Variants in CENPU observed in about 807,000 individuals in gnomAD.
The protein encoded by CENPU is KSHV latent nuclear antigen interacting protein 1.
CENPU carries 46 observed loss-of-function variants against 56.7 expected under a neutral mutation model. The ratio of observed to expected loss-of-function variants is 0.81; its 90% CI spans 0.64 to 1.04. CENPU has a LOEUF of 1.04. CENPU is among the 50% of genes least tolerant of loss of function. CENPU has a pLI of 0.00. For synonymous variants in CENPU, 166 were observed against 163.0 expected (o/e 1.02, Z -0.14); for missense variants, 510 against 490.1 (o/e 1.04, Z -0.38).
chr4:184,695,303 G>C lies in CENPU; in HGVS notation c.1242C>G (p.Leu414=). The C allele has an allele frequency of 1.2e-6, 2 of 1,612,590 alleles. No homozygotes were observed. The highest frequency in any genetic ancestry group is 1.7e-6 in the Non-Finnish European group (2 of 1,178,778). The change falls in exon 13 of 13, where the codon CTC becomes CTG. Residue 414 remains leucine (L), a synonymous_variant. Coordinates refer to ENST00000281453, the MANE Select transcript of CENPU (RefSeq NM_024629.4). ...ACTGCTCTTCTCATCCCTGGTCAAG[G>C]AGCTTCTCTAACTGATGGTTGATAT... ...LRNINHQLEK[L]LDQG
At chr4:184,710,022 C>T (rs762835238) in intron 8 of CENPU, 50 bp downstream of exon 8, 3 of 1,015,310 alleles carry the variant, frequency 3.0e-6, no homozygotes, top group Non-Finnish European at 4.4e-6. Context: ...AAAAATGGTG[C>T]TTCAGGGGAA....
At chr4:184,723,396 G>A (rs1485902969) in intron 4 of CENPU, among the ~76,000 whole-genome samples, 1 of 152,212 alleles carries the variant, frequency 6.6e-6, no homozygotes. Flanking sequence ...TAGTAGACAT[G>A]ATATGAAGAC....
chr4:184,721,848 A>C (rs4594761), intron 4 of CENPU, among the ~76,000 whole-genome samples: 27,119 of 152,154 alleles, frequency 0.18, 2,718 homozygotes, highest in African/African-American at 0.26. Context: ...TTCCAGACAG[A>C]CAATCAATAA....
chr4:184,715,440 G>C (rs1356199438), intron 6 of CENPU, among the ~76,000 whole-genome samples: 2 of 152,146 alleles, frequency 1.3e-5, no homozygotes, highest in African/African-American at 4.8e-5. Context: ...AACCTTCTGA[G>C]TAGCTGCGAT....
chr4:184,710,305 G>C (rs1760878247), intron 7 of CENPU, 125 bp from the exon 8 acceptor site: 1 of 578,428 alleles, frequency 1.7e-6, no homozygotes, highest in Non-Finnish European at 3.0e-6. Flanking sequence ...TGAACAATCA[G>C]AGAGGAGGTG....
Position 184,734,037 on chromosome 4 carries a change from G to GGCCGCC in CENPU, c.20_25dup (p.Arg7_Arg8dup), listed in dbSNP as rs757193964. ...TTACCCCTCAGACCTGTGAGGCCGC[G>GGCCGCC]GCCGCCGCCGCCCCCGCGGGGCCAT... is the stretch of plus-strand genomic sequence containing the variant. On this transcript the variant is annotated inframe_insertion, in exon 1 of 13. Transcript: ENST00000281453. The GGCCGCC allele has an allele frequency of 2.1e-5, 33 of 1,580,046 alleles. No individual in the cohort carries two copies. Among genetic ancestry groups the GGCCGCC allele is most frequent in the African/African-American group, 1.7e-4 (13 of 74,290 alleles).
Position 184,710,155 on chromosome 4 carries a change from C to T in CENPU, c.714G>A (p.Trp238Ter). 6.2e-7 allele frequency: 1 copy of T among 1,606,720 alleles called. No individual in the cohort carries two copies. The highest frequency in any genetic ancestry group is 8.5e-7 in the Non-Finnish European group (1 of 1,175,488). ...GSDTSDIVHI[W>*]CPEGMKTSDI... ...CACTGGTTTTCATTCCTTCTGGACA[C>T]CAAATGTGCACAATGTCAGAAGTAT... Residue 238 changes from tryptophan to a stop codon, truncating the protein, a stop_gained, in exon 8 of 13, where the codon TGG (tryptophan) becomes TGA (stop). Transcript: ENST00000281453. LOFTEE classifies it high-confidence loss of function.
Position 184,700,867 on chromosome 4 carries a change from G to A in CENPU, c.939C>T (p.Ile313=), listed in dbSNP as rs777751284. ...KRKNAKMISD[I]EKKRQRMIEV... is the part of the protein sequence containing the mutation. ...CAATCATACGCTGCCTTTTCTTTTC[G>A]ATATCTGAAATCATCTAAGTAACAC... Residue 313 remains isoleucine, a synonymous_variant, in exon 11 of 13, where the codon ATC becomes ATT. Transcript: ENST00000281453. The A allele has an allele frequency of 4.3e-6, 7 of 1,612,728 alleles. No homozygotes were observed. The highest frequency in any genetic ancestry group is 3.3e-5 in the South Asian group (3 of 91,046).
At chr4:184,732,086 T>A (rs2150234456) in intron 1 of CENPU, among the ~76,000 whole-genome samples, 1 of 152,252 alleles carries the variant, frequency 6.6e-6, no homozygotes, top group South Asian at 2.1e-4. Context: ...TCTTTTAAGA[T>A]TGCCAGGCCA....
In CENPU at chr4:184,695,340, C is replaced by T. The variant is rs758581010; in HGVS notation, c.1205G>A (p.Ser402Asn). 35 of 1,613,526 alleles carry T rather than the reference C, an allele frequency of 2.2e-5. No individual in the cohort carries two copies. In the Middle Eastern group the frequency reaches 4.9e-4, roughly 23 times the overall value. Residue 402 changes from serine (S) to asparagine (N), a missense_variant, in exon 13 of 13, where the codon AGC (serine) becomes AAC (asparagine). Coordinates refer to ENST00000281453, the MANE Select transcript of CENPU (RefSeq NM_024629.4). ...FKARTLLGAE[S>N]HLRNINHQLE... The stretch of plus-strand genomic sequence containing the variant: ...CTGATGGTTGATATTTCGCAGATGG[C>T]TTTCGGCTCCCAGAAGTGTTCTTGC...
At chr4:184,727,382 G>A (rs1322883986) in intron 3 of CENPU, among the ~76,000 whole-genome samples, 2 of 152,140 alleles carry the variant, frequency 1.3e-5, no homozygotes, top group African/African-American at 4.8e-5. Context: ...CAACGTGAAT[G>A]TATTTATCTG....
rs756136532 is a variant in CENPU at position 184,717,209 on chromosome 4, C to T, written c.321-13G>A. Reference sequence around the variant, plus strand: ...AGAAGTGTCTGAACTGTAAAAAGTACAAGCCATCAATATCTTGTACACATT... The same window carrying T: ...AGAAGTGTCTGAACTGTAAAAAGTATAAGCCATCAATATCTTGTACACATT... On this transcript the variant is annotated splice_polypyrimidine_tract_variant and intron_variant, in intron 4 of 12. Transcript: ENST00000281453. 2.6e-5 allele frequency: 42 copies of T among 1,604,878 alleles called. 1 individual carries two copies. In the South Asian group the frequency reaches 4.6e-4, roughly 18 times the overall value.
intron 8 of CENPU, among the ~76,000 whole-genome samples, chr4:184,705,013 C>T (rs1760676310): frequency 6.6e-6 from 1 of 152,196 alleles, no homozygotes; most frequent in Non-Finnish European, 1.5e-5. Flanking sequence ...AAAACAGTCT[C>T]AGTCCCTTAC....
At chr4:184,704,378 C>T (rs766835619) in intron 8 of CENPU, among the ~76,000 whole-genome samples, 2 of 152,060 alleles carry the variant, frequency 1.3e-5, no homozygotes, top group African/African-American at 2.4e-5. Context: ...ATCTACAGTA[C>T]TCAATACAGT....
At chr4:184,733,388 A>T (rs1451466679) in intron 1 of CENPU, 1 of 991,312 alleles carries the variant, frequency 1.0e-6, no homozygotes, top group Non-Finnish European at 1.2e-6. Flanking sequence ...GTCTGCAGCA[A>T]GCCGAGACCC....
rs372044004 is a variant in CENPU, at chr4:184,717,128, C to T, written c.381+8G>A. The T allele has an allele frequency of 9.2e-5, 146 of 1,594,850 alleles. 1 individual carries two copies. In the Middle Eastern group the frequency reaches 1.9e-3, roughly 21 times the overall value. On this transcript the variant is annotated splice_region_variant and intron_variant, in intron 5 of 12. Coordinates refer to ENST00000281453, the MANE Select transcript of CENPU (RefSeq NM_024629.4). Reference sequence around the variant, plus strand: ...AATTAAAGTAGAAGAGTGAATACTCCTACATACCTTTTTTGCACTAATTTT... The same window carrying T: ...AATTAAAGTAGAAGAGTGAATACTCTTACATACCTTTTTTGCACTAATTTT...
At chr4:184,727,948 CAGGA>C (rs1260426982) in intron 3 of CENPU, among the ~76,000 whole-genome samples, 1 of 152,064 alleles carries the variant, frequency 6.6e-6, no homozygotes, top group Non-Finnish European at 1.5e-5. Flanking sequence ...TCTGTAGAGA[CAGGA>C]AGGAGATTCA....
At chr4:184,708,085 G>A (rs1423805504) in intron 8 of CENPU, among the ~76,000 whole-genome samples, 1 of 151,880 alleles carries the variant, frequency 6.6e-6, no homozygotes, top group Non-Finnish European at 1.5e-5. Flanking sequence ...TTAGCTGGGC[G>A]TGGTGGCGCA....
chr4:184,713,452 T>C (rs775585284), intron 6 of CENPU, among the ~76,000 whole-genome samples: 1 of 152,160 alleles, frequency 6.6e-6, no homozygotes, highest in Non-Finnish European at 1.5e-5. Flanking sequence ...ATTAGTTACA[T>C]AAATTATCTA....
Sources: allele counts gnomAD v4.1 joint callset (sites outside exome capture counted in the v4.1 genomes callset), GRCh38; gene constraint gnomAD v4.1.1; transcripts MANE v1.5; gene names NCBI Gene and HGNC (gene_info 2026-07-23, HGNC 2026-07-21).